Variants in DIAPH2 observed in about 807,000 individuals in gnomAD.
The protein encoded by DIAPH2 is diaphanous related formin 2.
In DIAPH2, 35 loss-of-function variants were observed where a neutral mutation model predicts 92.7. That is an observed-to-expected ratio of 0.38 (90% CI 0.29 to 0.50). The LOEUF (loss-of-function observed/expected upper bound fraction) is 0.50, where lower values mean the gene tolerates loss of function less well. DIAPH2 is among the 20% of genes least tolerant of loss of function. The pLI is 0.94. For missense variants in DIAPH2, 701 were observed against 819.5 expected, an observed-to-expected ratio of 0.86 and a Z score of 1.77; for synonymous variants, 301 against 280.4, an observed-to-expected ratio of 1.07 and a Z score of -0.73.
At chrX:97,282,917 G>A (rs2068510904) in intron 23 of DIAPH2, among the ~76,000 whole-genome samples, 1 of 111,387 alleles carries the variant, frequency 9.0e-6, no homozygotes, top group African/African-American at 3.3e-5. Flanking sequence ...ATGTATGATC[G>A]TGTTTCCTGT....
At chrX:96,692,808 A>G (rs1380639849) in intron 1 of DIAPH2, among the ~76,000 whole-genome samples, 1 of 112,165 alleles carries the variant, frequency 8.9e-6, no homozygotes, top group Non-Finnish European at 1.9e-5. Context: ...AAGCGTTCAT[A>G]TGACTCTTTG....
intron 1 of DIAPH2, among the ~76,000 whole-genome samples, chrX:96,692,519 T>C (rs1313843647): frequency 4.5e-5 from 5 of 112,133 alleles, no homozygotes; most frequent in Non-Finnish European, 9.4e-5. Flanking sequence ...AGTGCTATCA[T>C]AAAGCCTCAG....
chrX:96,722,477 C>A (rs1048755581), intron 1 of DIAPH2, among the ~76,000 whole-genome samples: 4 of 111,155 alleles, frequency 3.6e-5, no homozygotes, highest in Non-Finnish European at 7.5e-5. Context: ...TTGTTGCTGT[C>A]TAGCTGCAGC....
At chrX:96,935,265 AATG>A (rs1219714647) in intron 10 of DIAPH2, among the ~76,000 whole-genome samples, 1 of 111,522 alleles carries the variant, frequency 9.0e-6, no homozygotes, top group Non-Finnish European at 1.9e-5. Context: ...TTATTCAGTA[AATG>A]ATTATTTTAT....
intron 25 of DIAPH2, among the ~76,000 whole-genome samples, chrX:97,386,990 T>C: frequency 9.0e-6 from 1 of 111,402 alleles, no homozygotes; most frequent in East Asian, 2.8e-4. Context: ...CCATGAATGT[T>C]TATAAACTGG....
chrX:96,731,323 C>T (rs938601842), intron 1 of DIAPH2, among the ~76,000 whole-genome samples: 6 of 111,240 alleles, frequency 5.4e-5, no homozygotes, highest in Admixed American at 2.9e-4. Flanking sequence ...ATTCTTGGAA[C>T]GCAAGAAACT....
At chrX:97,109,997 A>G (rs1479723769) in intron 20 of DIAPH2, among the ~76,000 whole-genome samples, 1 of 111,923 alleles carries the variant, frequency 8.9e-6, no homozygotes, top group Non-Finnish European at 1.9e-5. Context: ...TACTGGTTCA[A>G]CAAAGTTAAT....
chrX:97,162,120 A>C (rs1189220200), intron 22 of DIAPH2, among the ~76,000 whole-genome samples: 2 of 111,295 alleles, frequency 1.8e-5, no homozygotes, highest in Non-Finnish European at 3.8e-5. Flanking sequence ...TTTCTTGAGA[A>C]TTATCTTCCA....
chrX:96,798,992 T>C (rs897416919), intron 4 of DIAPH2, among the ~76,000 whole-genome samples: 1 of 110,898 alleles, frequency 9.0e-6, no homozygotes, highest in African/African-American at 3.3e-5. Context: ...TGGAGTCTCC[T>C]CTAAACTTGT....
chrX:97,250,151 G>A (rs928146393), intron 23 of DIAPH2, among the ~76,000 whole-genome samples: 5 of 110,990 alleles, frequency 4.5e-5, no homozygotes, highest in Non-Finnish European at 9.5e-5. Context: ...TTCTAGTATA[G>A]GATCCTTTGT....
At chrX:97,411,309 C>T (rs187791734) in intron 25 of DIAPH2, among the ~76,000 whole-genome samples, 2 of 111,808 alleles carry the variant, frequency 1.8e-5, no homozygotes, top group Admixed American at 1.9e-4. Context: ...AACTAAGCTT[C>T]ATAAGTGAAG....
rs184325656 is a variant in DIAPH2 at position 97,320,230 on chromosome X, T to C, written c.2845-27886T>C. On this transcript the variant is annotated intron_variant, in intron 23 of 26. Coordinates refer to ENST00000324765, the MANE Select transcript of DIAPH2 (RefSeq NM_006729.5). Reference sequence around the variant, plus strand: ...ATACTACTTTGTAACCAAAAAAGCATACTTATTTGTTTTTGTGAAACATTC... The same window carrying C: ...ATACTACTTTGTAACCAAAAAAGCACACTTATTTGTTTTTGTGAAACATTC... 1.6e-3 allele frequency among the ~76,000 whole-genome samples: 180 copies of C among 110,139 alleles called. 1 individual carries two copies. The highest frequency in any genetic ancestry group is 2.9e-3 in the Non-Finnish European group (156 of 52,894).
In DIAPH2 at chrX:96,962,298, T is replaced by TATATATATACATATATATATAC. The variant is rs1249298673; in HGVS notation, c.1936-2794_1936-2793insTATATATACATATATATATACA. ...ACATATATATATACATATATATATA[T>TATATATATACATATATATATAC]ACATATATATATACATATATATATA... On this transcript the variant is annotated intron_variant, in intron 16 of 26. Coordinates refer to ENST00000324765, the MANE Select transcript of DIAPH2 (RefSeq NM_006729.5). Among the ~76,000 whole-genome samples, 50 of 50,477 alleles carry TATATATATACATATATATATAC rather than the reference T, an allele frequency of 9.9e-4. No individual in the cohort carries two copies. The South Asian group carries it at 0.038, about 38-fold the overall frequency. 43.8% of individuals were successfully genotyped at this position (50,477 alleles called of 115,157 possible).
rs761224806 is a variant in DIAPH2 at position 97,217,882 on chromosome X, G to A, written c.2720-29833G>A. Among the ~76,000 whole-genome samples, 8 of 110,864 alleles carry A rather than the reference G, an allele frequency of 7.2e-5. No homozygotes were observed. The East Asian group carries it at 2.0e-3, about 28-fold the overall frequency. ...AATCGCTTGAACCCAGGAAGCAGAG[G>A]TTGCAGTGAGCCGAGATCGTGCCAC... On this transcript the variant is annotated intron_variant, in intron 22 of 26. Coordinates refer to ENST00000324765, the MANE Select transcript of DIAPH2 (RefSeq NM_006729.5).
At chrX:97,270,711 A>T (rs140457255) in intron 23 of DIAPH2, among the ~76,000 whole-genome samples, 1,610 of 111,277 alleles carry the variant, frequency 0.014, 12 homozygotes, top group Non-Finnish European at 0.023. Context: ...AATTTGAGCC[A>T]AGATCTACTT....
chrX:97,583,157 GTCT>G (rs1326782200), intron 26 of DIAPH2, among the ~76,000 whole-genome samples: 2 of 111,966 alleles, frequency 1.8e-5, no homozygotes, highest in African/African-American at 6.5e-5. Flanking sequence ...ATCGTCTGAA[GTCT>G]TCTTCTCTCA....
At chrX:97,006,599 A>G (rs1369918976) in intron 17 of DIAPH2, among the ~76,000 whole-genome samples, 1 of 112,062 alleles carries the variant, frequency 8.9e-6, no homozygotes, top group Non-Finnish European at 1.9e-5. Context: ...TTCCATTGGC[A>G]TGGAATATCT....
At chrX:96,807,615 C>A (rs187178864) in intron 4 of DIAPH2, among the ~76,000 whole-genome samples, 1 of 110,298 alleles carries the variant, frequency 9.1e-6, no homozygotes, top group East Asian at 2.9e-4. Flanking sequence ...TACATAGGAT[C>A]CCAGGATGCT....
intron 17 of DIAPH2, among the ~76,000 whole-genome samples, chrX:97,045,730 T>C (rs144370930): frequency 9.0e-6 from 1 of 110,834 alleles, no homozygotes; most frequent in Non-Finnish European, 1.9e-5. Flanking sequence ...AGTTGAAGAA[T>C]ACAGTTGGAG....
Sources: gnomAD v4.1 joint callset for allele counts (sites outside exome capture counted in the v4.1 genomes callset) on GRCh38, gnomAD v4.1.1 for gene constraint, MANE v1.5 for transcripts, NCBI Gene and HGNC (gene_info 2026-07-23, HGNC 2026-07-21) for gene names.